The following BCKDHB variants were observed in gnomAD, a reference collection of about 807,000 sequenced individuals.
The protein encoded by BCKDHB is 2-oxoisovalerate dehydrogenase subunit beta, mitochondrial.
BCKDHB carries 41 observed loss-of-function variants against 48.5 expected under a neutral mutation model. That is an observed-to-expected ratio of 0.85 (90% CI 0.66 to 1.10). The LOEUF is 1.10. Among genes scored for constraint, BCKDHB ranks in the 50% least tolerant of loss-of-function variants. The pLI is 0.00. For missense variants in BCKDHB, 496 were observed against 494.2 expected, an observed-to-expected ratio of 1.00 and a Z score of -0.03; for synonymous variants, 201 against 174.8, an observed-to-expected ratio of 1.15 and a Z score of -1.18.
At chr6:80,393,233 C>A in the BCKDHB span, among the ~76,000 whole-genome samples, 9 of 152,186 alleles carry the variant, frequency 5.9e-5, no homozygotes, top group East Asian at 1.2e-3. Context: ...AATTCTCCCA[C>A]GGAAGATTAA....
intron 1 of BCKDHB, among the ~76,000 whole-genome samples, chr6:80,122,370 G>T (rs570962198): frequency 1.3e-5 from 2 of 152,342 alleles, no homozygotes; most frequent in East Asian, 1.9e-4. Flanking sequence ...CTCATAAAAT[G>T]AGTTAGGGAG....
intron 8 of BCKDHB, among the ~76,000 whole-genome samples, chr6:80,236,516 T>A (rs1776152484): frequency 6.6e-6 from 1 of 152,268 alleles, no homozygotes; most frequent in African/African-American, 2.4e-5. Context: ...TGAGGCTGTC[T>A]ATTGTTTACA....
At chr6:80,167,645 C>T (rs757865717) in intron 3 of BCKDHB, 33 bp from the exon 4 acceptor site, 5 of 1,570,178 alleles carry the variant, frequency 3.2e-6, no homozygotes, top group Admixed American at 1.7e-5. Context: ...CTCTCATTTG[C>T]CACATTAACC....
intron 8 of BCKDHB, among the ~76,000 whole-genome samples, chr6:80,224,609 T>C (rs1216403424): frequency 6.6e-6 from 1 of 152,198 alleles, no homozygotes; most frequent in Non-Finnish European, 1.5e-5. Context: ...TTGCCTAGGC[T>C]GGTCTTGAAC....
At chr6:80,162,437 A>C (rs1772362049) in intron 3 of BCKDHB, among the ~76,000 whole-genome samples, 1 of 152,180 alleles carries the variant, frequency 6.6e-6, no homozygotes, top group Admixed American at 6.5e-5. Context: ...CTTTTCAAAG[A>C]CACGGTTCCA....
chr6:80,420,307 A>G, the BCKDHB span, among the ~76,000 whole-genome samples: 13 of 152,244 alleles, frequency 8.5e-5, no homozygotes, highest in East Asian at 1.4e-3. Flanking sequence ...TGGCTTTGGG[A>G]GAAAAAGGCC....
At chr6:80,150,591 C>G (rs1008439134) in intron 3 of BCKDHB, among the ~76,000 whole-genome samples, 5 of 124,038 alleles carry the variant, frequency 4.0e-5, no homozygotes, top group African/African-American at 1.2e-4. Flanking sequence ...GAGCCTTGCT[C>G]TGTCATCCAG....
intron 8 of BCKDHB, among the ~76,000 whole-genome samples, chr6:80,225,581 G>T (rs1775645703): frequency 1.3e-5 from 2 of 152,000 alleles, no homozygotes; most frequent in African/African-American, 4.8e-5. Flanking sequence ...AGGTGCTTTT[G>T]TTTTTTGAAC....
chr6:80,202,194 C>A (rs900917861), intron 7 of BCKDHB, among the ~76,000 whole-genome samples: 1 of 152,116 alleles, frequency 6.6e-6, no homozygotes, highest in African/African-American at 2.4e-5. Context: ...TTTCCTTCTT[C>A]CCTTTGTCTT....
At chr6:80,123,576 T>C (rs1770166560) in intron 1 of BCKDHB, among the ~76,000 whole-genome samples, 1 of 152,208 alleles carries the variant, frequency 6.6e-6, no homozygotes. Context: ...CAGAGCCTGT[T>C]ATTGTTCTAT....
At chr6:80,109,094 C>G (rs1339703842) in intron 1 of BCKDHB, among the ~76,000 whole-genome samples, 1 of 152,118 alleles carries the variant, frequency 6.6e-6, no homozygotes, top group Non-Finnish European at 1.5e-5. Context: ...TGCTACAAGT[C>G]TTTTACAAGT....
chr6:80,276,261 T>G (rs1777964358), intron 9 of BCKDHB, among the ~76,000 whole-genome samples: 1 of 151,942 alleles, frequency 6.6e-6, no homozygotes, highest in African/African-American at 2.4e-5. Context: ...TTAAAATATT[T>G]TAAGAGAATG....
At chr6:80,303,981 T>G in intron 9 of BCKDHB, among the ~76,000 whole-genome samples, 1 of 152,112 alleles carries the variant, frequency 6.6e-6, no homozygotes, top group East Asian at 1.9e-4. Context: ...AATGAAAGAT[T>G]ATTTTATGTG....
intron 7 of BCKDHB, 73 bp from the exon 8 acceptor site, chr6:80,203,029 C>A: frequency 1.1e-6 from 1 of 941,656 alleles, no homozygotes; most frequent in Non-Finnish European, 1.8e-6. Context: ...CTAATAGTGA[C>A]ATCAGCATTC....
intron 9 of BCKDHB, among the ~76,000 whole-genome samples, chr6:80,339,169 AC>A (rs1457901596): frequency 6.6e-6 from 1 of 152,186 alleles, no homozygotes; most frequent in African/African-American, 2.4e-5. Flanking sequence ...TCCCAAGGAA[AC>A]CTGTGAAAAC....
chr6:80,129,950 C>G (rs1209730133), intron 3 of BCKDHB, among the ~76,000 whole-genome samples: 1 of 152,150 alleles, frequency 6.6e-6, no homozygotes, highest in Non-Finnish European at 1.5e-5. Context: ...TAATTGGGTG[C>G]CATAGCCTGG....
chr6:80,135,968 T>C (rs1201297345), intron 3 of BCKDHB: 2 of 152,188 alleles, frequency 1.3e-5, no homozygotes, highest in Non-Finnish European at 2.9e-5. Flanking sequence ...GTCCTCAAGG[T>C]TTATTGATGT....
At chr6:80,311,603 TA>T (rs1200809229) in intron 9 of BCKDHB, among the ~76,000 whole-genome samples, 1 of 152,202 alleles carries the variant, frequency 6.6e-6, no homozygotes, top group Admixed American at 6.5e-5. Context: ...TTGATTTTTG[TA>T]TATTGTGTAA....
chr6:80,130,532 T>TTC (rs1316155290), intron 3 of BCKDHB, among the ~76,000 whole-genome samples: 2 of 152,186 alleles, frequency 1.3e-5, no homozygotes, highest in Non-Finnish European at 2.9e-5. Context: ...TTTCTCCTAC[T>TTC]TCTAATACCT....
Sources: gnomAD v4.1 joint callset for allele counts (sites outside exome capture counted in the v4.1 genomes callset) on GRCh38, gnomAD v4.1.1 for gene constraint, MANE v1.5 for transcripts, NCBI Gene and HGNC (gene_info 2026-07-23, HGNC 2026-07-21) for gene names.